Variants in MYLK4 observed in about 807,000 individuals in gnomAD.
The protein encoded by MYLK4 is myosin light chain kinase family member 4, also known as caMLCK like.
MYLK4 carries 46 observed loss-of-function variants against 48.1 expected under a neutral mutation model. The ratio of observed to expected loss-of-function variants is 0.96; its 90% CI spans 0.75 to 1.22. MYLK4 has a LOEUF of 1.22. Among genes scored for constraint, MYLK4 ranks in the 50% most tolerant of loss-of-function variants. The probability of loss-of-function intolerance (pLI) is 0.00; values close to 1 mark genes in which losing one functional copy is unlikely to be tolerated. For synonymous variants in MYLK4, 170 were observed against 180.8 expected (o/e 0.94, Z 0.48); for missense variants, 451 against 486.1 (o/e 0.93, Z 0.68).
rs1325084398 is a variant in MYLK4 at position 2,664,929 on chromosome 6, T to C, written c.*2996A>G. On this transcript the variant is annotated 3_prime_UTR_variant, in exon 13 of 13. Coordinates refer to ENST00000274643, the MANE Select transcript of MYLK4 (RefSeq NM_001012418.5). Reference sequence around the variant, plus strand: ...GCAACAGATTCTGGGTAAGTGTTGGTGTCTTCCAAATTACCAATGAGGCAT... The same window carrying C: ...GCAACAGATTCTGGGTAAGTGTTGGCGTCTTCCAAATTACCAATGAGGCAT... 4.6e-5 allele frequency: 7 copies of C among 152,224 alleles called. No homozygotes were observed. Among genetic ancestry groups the C allele is most frequent in the African/African-American group, 1.7e-4 (7 of 41,456 alleles). The allele number at this position is 152,224 out of a possible 1,614,324, so 9.4% of individuals were successfully genotyped here.
In MYLK4 at chr6:2,672,291, G is replaced by T. The variant is rs1216125382; in HGVS notation, c.1120-943C>A. ...TTTGGGAGTGCTTTGCCCCACCCCA[G>T]CTGAGAGCTGCTTCTGATGGAAACA... On this transcript the variant is annotated intron_variant, in intron 11 of 12. Transcript: ENST00000274643. This position sits in a 1 kb window ranked among gnomAD's most constrained non-coding sequence, Gnocchi z 4.3. Among the ~76,000 whole-genome samples, 1 of 152,152 alleles carries T rather than the reference G, an allele frequency of 6.6e-6. No individual in the cohort carries two copies. The highest frequency in any genetic ancestry group is 1.5e-5 in the Non-Finnish European group (1 of 68,030).
upstream of MYLK4, among the ~76,000 whole-genome samples, chr6:2,755,843 T>C (rs1163975553): frequency 1.3e-5 from 2 of 152,250 alleles, no homozygotes; most frequent in Non-Finnish European, 2.9e-5. Context: ...TGATTGTGTC[T>C]TCATGCTTGG....
intron 2 of MYLK4, among the ~76,000 whole-genome samples, chr6:2,694,797 G>C (rs917632077): frequency 6.6e-6 from 1 of 152,026 alleles, no homozygotes; most frequent in Non-Finnish European, 1.5e-5. Flanking sequence ...AAATGAAGTT[G>C]GGTAATTTCC....
chr6:2,738,460 T>A (rs536031181), intron 2 of MYLK4, among the ~76,000 whole-genome samples: 8 of 152,388 alleles, frequency 5.2e-5, no homozygotes, highest in African/African-American at 1.7e-4. Flanking sequence ...CCTAGCAGCT[T>A]CTGTGTCTAC....
At chr6:2,709,958 T>G (rs774698055) in intron 2 of MYLK4, among the ~76,000 whole-genome samples, 9 of 152,170 alleles carry the variant, frequency 5.9e-5, no homozygotes, top group Non-Finnish European at 1.3e-4. Flanking sequence ...GAATATATAT[T>G]TTATTAAAAC....
chr6:2,761,848 T>C, the MYLK4 span, among the ~76,000 whole-genome samples: 1 of 152,208 alleles, frequency 6.6e-6, no homozygotes, highest in South Asian at 2.1e-4. Context: ...TTTTTATTAT[T>C]TACATAATAT....
chr6:2,763,966 C>G, the MYLK4 span, among the ~76,000 whole-genome samples: 1 of 152,118 alleles, frequency 6.6e-6, no homozygotes, highest in Admixed American at 6.5e-5. Context: ...CCCGTCTGTA[C>G]TAAAAATCCA....
At chr6:2,763,289 C>T in the MYLK4 span, among the ~76,000 whole-genome samples, 6 of 152,264 alleles carry the variant, frequency 3.9e-5, no homozygotes, top group East Asian at 9.6e-4. Context: ...AATTTCTGAA[C>T]TGGGGCTGCA....
At chr6:2,764,387 G>C in the MYLK4 span, among the ~76,000 whole-genome samples, 35 of 152,312 alleles carry the variant, frequency 2.3e-4, no homozygotes, top group Non-Finnish European at 4.0e-4. Flanking sequence ...CTGCACTCCA[G>C]CCTGGGCGAC....
At chr6:2,756,324 T>C in the MYLK4 span, among the ~76,000 whole-genome samples, 1 of 152,238 alleles carries the variant, frequency 6.6e-6, no homozygotes, top group Non-Finnish European at 1.5e-5. Context: ...TTGTCCCATA[T>C]TGGCCAACGG....
chr6:2,738,072 G>A (rs1042218101), intron 2 of MYLK4, among the ~76,000 whole-genome samples: 2 of 149,304 alleles, frequency 1.3e-5, no homozygotes, highest in African/African-American at 4.9e-5. Context: ...AGTAGCAAGA[G>A]GCAGAAACGA....
chr6:2,709,400 C>T (rs1253117317), intron 2 of MYLK4, among the ~76,000 whole-genome samples: 2 of 152,198 alleles, frequency 1.3e-5, no homozygotes, highest in African/African-American at 2.4e-5. Context: ...TGGATCTGCC[C>T]GTGAGGCATG....
At chr6:2,726,358 G>C (rs1248644433) in intron 2 of MYLK4, among the ~76,000 whole-genome samples, 2 of 152,190 alleles carry the variant, frequency 1.3e-5, no homozygotes, top group Admixed American at 1.3e-4. Context: ...TTGCCAGGAA[G>C]TAGCTTTAAG....
intron 2 of MYLK4, among the ~76,000 whole-genome samples, chr6:2,733,791 A>C (rs1268059058): frequency 6.6e-6 from 1 of 152,078 alleles, no homozygotes. Context: ...CACACTTCTC[A>C]TGAGACCCCT....
At position 2,685,198 on chromosome 6, in the gene MYLK4, G is replaced by T; in HGVS notation, c.545+98C>A. On this transcript the variant is annotated intron_variant, in intron 6 of 12. Transcript: ENST00000274643. The surrounding 1 kb of genome is among the most constrained non-coding windows in gnomAD (Gnocchi z 4.5). ...AATCAGAGTCTGCGGGGGCGAGCTT[G>T]GTTCTGGTCCCGCTACAGCAGGACG... 2 of 832,482 alleles carry T rather than the reference G, an allele frequency of 2.4e-6. No homozygotes were observed. Among genetic ancestry groups the T allele is most frequent in the Non-Finnish European group, 4.1e-6 (2 of 484,380 alleles). 51.6% of individuals were successfully genotyped at this position (832,482 alleles called of 1,614,324 possible). A position where few individuals can be genotyped will look rare whatever the true frequency, so the allele number is the denominator to read the frequency against.
the MYLK4 span, chr6:2,768,925 A>C: frequency 6.4e-7 from 1 of 1,558,884 alleles, no homozygotes; most frequent in African/African-American, 1.4e-5. Flanking sequence ...GTGAACATCA[A>C]ACAATATAAA....
chr6:2,676,270 A>C (rs902153768), intron 10 of MYLK4, among the ~76,000 whole-genome samples: 1 of 152,190 alleles, frequency 6.6e-6, no homozygotes, highest in African/African-American at 2.4e-5. Flanking sequence ...TGAAGAGGAG[A>C]TAAGTCTTTA....
chr6:2,766,507 C>T, the MYLK4 span: 25 of 1,436,342 alleles, frequency 1.7e-5, no homozygotes, highest in South Asian at 5.8e-5. Flanking sequence ...AGCTGATGGT[C>T]GGAGAGCCGG....
the MYLK4 span, chr6:2,770,311 C>T: frequency 9.9e-6 from 16 of 1,614,068 alleles, no homozygotes; most frequent in East Asian, 1.1e-4. Context: ...ACGTCCTAGA[C>T]TCTAGCCGTC....
Sources: gnomAD v4.1 joint callset for allele counts (sites outside exome capture counted in the v4.1 genomes callset) on GRCh38, gnomAD v4.1.1 for gene constraint, Gnocchi (gnomAD v3.1) non-coding constraint, MANE v1.5 for transcripts, NCBI Gene and HGNC (gene_info 2026-07-23, HGNC 2026-07-21) for gene names.